The following PRKN variants were observed in gnomAD, a reference collection of about 807,000 sequenced individuals.
PRKN encodes the protein E3 ubiquitin-protein ligase parkin.
In PRKN, 56 loss-of-function variants were observed where a neutral mutation model predicts 59.5. The ratio of observed to expected loss-of-function variants is 0.94; its 90% CI spans 0.76 to 1.18. The LOEUF is 1.18. PRKN is among the 50% of genes most tolerant of loss of function. PRKN has a pLI of 0.00. For missense variants in PRKN, 657 were observed against 596.4 expected (o/e 1.10, Z -1.06); for synonymous variants, 250 against 222.1 (o/e 1.13, Z -1.12).
intron 4 of PRKN, among the ~76,000 whole-genome samples, chr6:162,163,622 G>A (rs1274776251): frequency 1.3e-5 from 2 of 149,162 alleles, no homozygotes; most frequent in Non-Finnish European, 3.0e-5. Context: ...CTAAAAAATA[G>A]TTTTAAGCAG....
intron 7 of PRKN, among the ~76,000 whole-genome samples, chr6:161,589,789 T>C (rs1467255598): frequency 6.6e-6 from 1 of 150,784 alleles, no homozygotes; most frequent in East Asian, 1.9e-4. Context: ...TTTTTTTTTT[T>C]TTTTTTTGGA....
intron 4 of PRKN, among the ~76,000 whole-genome samples, chr6:162,098,691 A>G (rs544308509): frequency 1.8e-4 from 28 of 152,204 alleles, no homozygotes; most frequent in African/African-American, 6.5e-4. Flanking sequence ...AAATTTCTAC[A>G]TTATTCCTAC....
At chr6:162,364,428 CCTTTT>C (rs1428339337) in intron 2 of PRKN, among the ~76,000 whole-genome samples, 3 of 152,010 alleles carry the variant, frequency 2.0e-5, no homozygotes, top group African/African-American at 4.8e-5. Context: ...AACTTTTCTT[CCTTTT>C]GACTATAACT....
intron 1 of PRKN, among the ~76,000 whole-genome samples, chr6:162,649,899 A>G (rs1168080503): frequency 6.6e-6 from 1 of 152,190 alleles, no homozygotes; most frequent in Admixed American, 6.5e-5. Context: ...TTTTTTTAAC[A>G]TATGTGAATG....
intron 7 of PRKN, among the ~76,000 whole-genome samples, chr6:161,600,135 A>T (rs924551632): frequency 2.0e-5 from 3 of 152,184 alleles, no homozygotes; most frequent in Non-Finnish European, 4.4e-5. Flanking sequence ...CCAAATTGCT[A>T]TTTTGAATAG....
At chr6:162,449,013 G>A (rs1389586501) in intron 1 of PRKN, among the ~76,000 whole-genome samples, 3 of 151,480 alleles carry the variant, frequency 2.0e-5, no homozygotes, top group East Asian at 1.9e-4. Context: ...TCAGCCTCCC[G>A]AGTACCTGCG....
intron 4 of PRKN, among the ~76,000 whole-genome samples, chr6:162,134,644 G>A (rs1473594782): frequency 1.3e-5 from 2 of 152,212 alleles, no homozygotes. Context: ...TTGAAGCAAA[G>A]AGTGAGGATT....
Position 161,445,750 on chromosome 6 carries a change from G to C in PRKN, c.1084-58873C>G, listed in dbSNP as rs1465094443. On this transcript the variant is annotated intron_variant, in intron 9 of 11. Coordinates refer to ENST00000366898, the MANE Select transcript of PRKN (RefSeq NM_004562.3). The surrounding 1 kb of genome is among the most constrained non-coding windows in gnomAD (Gnocchi z 7.7). ...AGGTGACTGCACAGAGTGATGAGCT[G>C]GGCCCACTTTCCTGCTATTGGCCGC... Among the ~76,000 whole-genome samples, 2 of 152,152 alleles carry C rather than the reference G, an allele frequency of 1.3e-5. No homozygotes were observed. The highest frequency in any genetic ancestry group is 2.4e-5 in the African/African-American group (1 of 41,452).
chr6:162,262,477 TAAAC>T (rs754927639), intron 3 of PRKN, 44 bp downstream of exon 3: 12 of 1,612,384 alleles, frequency 7.4e-6, no homozygotes, highest in Non-Finnish European at 1.0e-5. Flanking sequence ...CAGACTGCAC[TAAAC>T]AAACAAACAA....
intron 1 of PRKN, among the ~76,000 whole-genome samples, chr6:162,659,146 T>A (rs753208832): frequency 3.3e-5 from 5 of 152,176 alleles, no homozygotes; most frequent in Non-Finnish European, 7.4e-5. Context: ...CCTTTCTTAG[T>A]TACATGAATT....
rs1261137143 is a variant in PRKN, at chr6:161,356,484, G to A, written c.1285+3604C>T. On this transcript the variant is annotated intron_variant, in intron 11 of 11. Transcript: ENST00000366898. This position sits in a 1 kb window ranked among gnomAD's most constrained non-coding sequence, Gnocchi z 7.8. ...AAGTCTACACGTCTATGTAGAGGACGGATCATAAATATGCGAGAGTGGAGG... is the reference window on the plus strand; with the variant it reads ...AAGTCTACACGTCTATGTAGAGGACAGATCATAAATATGCGAGAGTGGAGG... Among the ~76,000 whole-genome samples the A allele has an allele frequency of 2.6e-5, 4 of 152,180 alleles. No individual in the cohort carries two copies. Among genetic ancestry groups the A allele is most frequent in the South Asian group, 2.1e-4 (1 of 4,824 alleles).
At chr6:162,049,235 A>G (rs944063542) in intron 5 of PRKN, among the ~76,000 whole-genome samples, 1 of 147,512 alleles carries the variant, frequency 6.8e-6, no homozygotes, top group African/African-American at 2.7e-5. Flanking sequence ...TTCTAAGTAC[A>G]TGGATATTTT....
chr6:161,894,652 G>A (rs1015380955), intron 6 of PRKN, among the ~76,000 whole-genome samples: 4 of 152,116 alleles, frequency 2.6e-5, no homozygotes, highest in Admixed American at 1.3e-4. Context: ...AATTCTTCCC[G>A]TGTTTGTGTC....
rs1229516756 is a variant in PRKN, at chr6:162,033,881, T to G, written c.618+20210A>C. On this transcript the variant is annotated intron_variant, in intron 5 of 11. Coordinates refer to ENST00000366898, the MANE Select transcript of PRKN (RefSeq NM_004562.3). ...GAATTATGCCTTGAAAACAAATATT[T>G]GTAGAATGCATGAATCAATATGCAA... Among the ~76,000 whole-genome samples, 6 of 152,260 alleles carry G rather than the reference T, an allele frequency of 3.9e-5. No individual in the cohort carries two copies. The East Asian group carries it at 1.2e-3, about 29-fold the overall frequency.
intron 1 of PRKN, among the ~76,000 whole-genome samples, chr6:162,463,053 A>C (rs946570471): frequency 3.3e-5 from 5 of 151,920 alleles, no homozygotes; most frequent in Admixed American, 2.0e-4. Flanking sequence ...TGGGTGACGG[A>C]GTGAGACTCC....
rs115668272 is a variant in PRKN at position 161,513,947 on chromosome 6, C to T, written c.1083+34907G>A. Among the ~76,000 whole-genome samples, 1,475 of 152,152 alleles carry T rather than the reference C, an allele frequency of 9.7e-3. 30 individuals are homozygous for T. Among genetic ancestry groups the T allele is most frequent in the African/African-American group, 0.033 (1,371 of 41,496 alleles). ...AGAGAGGACTAATTGAGACAACCAA[C>T]GTGCCAGCATTTTGGGAATCATTAA... On this transcript the variant is annotated intron_variant, in intron 9 of 11. Coordinates refer to ENST00000366898, the MANE Select transcript of PRKN (RefSeq NM_004562.3).
intron 4 of PRKN, among the ~76,000 whole-genome samples, chr6:162,113,793 C>T (rs1478840930): frequency 6.6e-6 from 1 of 152,164 alleles, no homozygotes; most frequent in East Asian, 1.9e-4. Flanking sequence ...CCTTGCCCTG[C>T]CTATGTCCTG....
chr6:162,144,800 A>T (rs1028532884), intron 4 of PRKN, among the ~76,000 whole-genome samples: 35 of 152,182 alleles, frequency 2.3e-4, no homozygotes, highest in African/African-American at 6.5e-4. Flanking sequence ...GGCACAGTGG[A>T]AAGTCTCACA....
At chr6:162,707,527 A>C (rs1041443371) in intron 1 of PRKN, among the ~76,000 whole-genome samples, 1 of 152,140 alleles carries the variant, frequency 6.6e-6, no homozygotes, top group African/African-American at 2.4e-5. Flanking sequence ...GATTTTAAAA[A>C]TTTCACAAAT....
Sources: gnomAD v4.1 joint callset for allele counts (sites outside exome capture counted in the v4.1 genomes callset) on GRCh38, gnomAD v4.1.1 for gene constraint, Gnocchi (gnomAD v3.1) non-coding constraint, MANE v1.5 for transcripts, NCBI Gene and HGNC (gene_info 2026-07-23, HGNC 2026-07-21) for gene names.